CCDC27: variants seen among roughly 807,000 people sequenced by gnomAD.
CCDC27 encodes coiled-coil domain containing 27.
Under a neutral mutation model 80.3 loss-of-function variants are expected in CCDC27, and 80 were observed. That is an observed-to-expected ratio of 1.00 (90% confidence interval 0.83 to 1.20). CCDC27 has a LOEUF of 1.20. CCDC27 is among the 50% of genes most tolerant of loss of function. The probability of loss-of-function intolerance (pLI) is 0.00; values close to 1 mark genes in which losing one functional copy is unlikely to be tolerated. For missense variants in CCDC27, 815 were observed against 809.4 expected (o/e 1.01, Z -0.08); for synonymous variants, 342 against 334.3 (o/e 1.02, Z -0.25).
rs1643293610 is a variant in CCDC27 at position 3,768,875 on chromosome 1, G to A, written c.1744-908G>A. 6.6e-6 allele frequency among the ~76,000 whole-genome samples: 1 copy of A among 152,160 alleles called. No homozygotes were observed. Among genetic ancestry groups the A allele is most frequent in the Admixed American group, 6.6e-5 (1 of 15,256 alleles). ...CACGACCTCCAGCACCTGGCACGGT[G>A]TTTGTACAAAGTTGGGCGCTCAATA... On this transcript the variant is annotated intron_variant, in intron 10 of 11. Coordinates refer to ENST00000294600, the MANE Select transcript of CCDC27 (RefSeq NM_152492.3). This position sits in a 1 kb window ranked among gnomAD's most constrained non-coding sequence, Gnocchi z 5.6.
intron 1 of CCDC27, among the ~76,000 whole-genome samples, chr1:3,753,030 G>A (rs1244442058): frequency 6.6e-6 from 1 of 152,228 alleles, no homozygotes; most frequent in Non-Finnish European, 1.5e-5. Flanking sequence ...CATGCCACCG[G>A]CTTCTTCTGG....
At chr1:3,758,784 ACGAGGTTTCT>A (rs1290448142) in intron 4 of CCDC27, among the ~76,000 whole-genome samples, 1 of 151,752 alleles carries the variant, frequency 6.6e-6, no homozygotes, top group Non-Finnish European at 1.5e-5. Context: ...TTTTGTGGAG[ACGAGGTTTCT>A]CCATGTTGCT....
chr1:3,755,872 A>C, intron 3 of CCDC27: 2 of 320,996 alleles, frequency 6.2e-6, no homozygotes, highest in Non-Finnish European at 1.2e-5. Context: ...GTGGGTAGAG[A>C]CCCCCCGGGA....
In CCDC27 at chr1:3,762,748, G is replaced by A. The variant is rs750301491; in HGVS notation, c.954+36G>A. The A allele has an allele frequency of 5.9e-5, 90 of 1,531,686 alleles. No homozygotes were observed. In the Admixed American group the frequency reaches 1.6e-3, roughly 28 times the overall value. The allele number at this position is 1,531,686 out of a possible 1,614,324, so 94.9% of individuals were successfully genotyped here. A position where few individuals can be genotyped will look rare whatever the true frequency, so the allele number is the denominator to read the frequency against. ...CCTGGAGAGCAGGCACGCAGTGGGG[G>A]ACCCGGGCCCAGGAGCCACCTAGGC... On this transcript the variant is annotated intron_variant, in intron 6 of 11. Transcript: ENST00000294600.
rs775121904 is a variant in CCDC27, at chr1:3,761,460, G to C, written c.861+30G>C. The C allele has an allele frequency of 3.1e-6, 5 of 1,609,880 alleles. No individual in the cohort carries two copies. In the South Asian group the frequency reaches 5.5e-5, roughly 18 times the overall value. On this transcript the variant is annotated intron_variant, in intron 5 of 11. Coordinates refer to ENST00000294600, the MANE Select transcript of CCDC27 (RefSeq NM_152492.3). The surrounding 1 kb of genome is among the most constrained non-coding windows in gnomAD (Gnocchi z 5.0). Reference sequence around the variant, plus strand: ...GCCAGCCCCAGCGGGGCACAGCGCAGAGCTCTAAGACGGTTGTTTTCAAAG... The same window carrying C: ...GCCAGCCCCAGCGGGGCACAGCGCACAGCTCTAAGACGGTTGTTTTCAAAG...
Position 3,763,129 on chromosome 1 carries a change from C to T in CCDC27, c.976C>T (p.Pro326Ser). 6.8e-7 allele frequency: 1 copy of T among 1,480,204 alleles called. No homozygotes were observed. Among genetic ancestry groups the T allele is most frequent in the Non-Finnish European group, 9.0e-7 (1 of 1,115,428 alleles). The allele number at this position is 1,480,204 out of a possible 1,614,324, so 91.7% of individuals were successfully genotyped here. Residue 326 changes from proline to serine, a missense_variant, in exon 7 of 12, where the codon CCG (proline) becomes TCG (serine). By Grantham distance (74) the Pro-to-Ser change is moderately conservative. Transcript: ENST00000294600. The surrounding 1 kb of genome is among the most constrained non-coding windows in gnomAD (Gnocchi z 7.5). ...ACAGATGCAGGAGGAGTCTGCGGCACCGGAGAGGGGCAAGGAGCCCGACCT... is the reference window on the plus strand; with the variant it reads ...ACAGATGCAGGAGGAGTCTGCGGCATCGGAGAGGGGCAAGGAGCCCGACCT... The part of the protein sequence containing the change: ...WWQMQEESAA[P>S]ERGKEPDLGG...
At position 3,769,773 on chromosome 1, in the gene CCDC27, T is replaced by C; in HGVS notation, c.1744-10T>C. 2 of 1,608,842 alleles carry C rather than the reference T, an allele frequency of 1.2e-6. No homozygotes were observed. The highest frequency in any genetic ancestry group is 1.7e-6 in the Non-Finnish European group (2 of 1,175,226). ...AAAGGCGAATGATAGTGTTGTCCCT[T>C]TGCTCACAGCTCGAGAGGTTAAGGA... is the stretch of plus-strand genomic sequence containing the variant. On this transcript the variant is annotated splice_polypyrimidine_tract_variant and intron_variant, in intron 10 of 11. Transcript: ENST00000294600. This position sits in a 1 kb window ranked among gnomAD's most constrained non-coding sequence, Gnocchi z 4.6.
chr1:3,755,225 G>A (rs773138506), intron 2 of CCDC27, among the ~76,000 whole-genome samples: 24 of 152,216 alleles, frequency 1.6e-4, no homozygotes, highest in Non-Finnish European at 1.6e-4. Flanking sequence ...GGGAAAGGGG[G>A]CATCAGCTAG....
chr1:3,756,651 G>A, intron 3 of CCDC27, 82 bp from the exon 4 acceptor site: 2 of 1,483,672 alleles, frequency 1.3e-6, no homozygotes, highest in Non-Finnish European at 1.9e-6. Flanking sequence ...GTCTCGGAAG[G>A]GTGGATGTCG....
chr1:3,764,053 C>A (rs766839070), intron 8 of CCDC27, among the ~76,000 whole-genome samples: 1 of 152,184 alleles, frequency 6.6e-6, no homozygotes, highest in Admixed American at 6.5e-5. Context: ...TGCCCAGCCA[C>A]AGCTCTGCCC....
intron 10 of CCDC27, 80 bp downstream of exon 10, chr1:3,767,525 A>T: frequency 1.5e-6 from 2 of 1,315,176 alleles, no homozygotes; most frequent in Non-Finnish European, 2.1e-6. Context: ...CCGCCCACCG[A>T]GGTAGAACCG....
In CCDC27 at chr1:3,761,533, C is replaced by T; in HGVS notation, c.861+103C>T. On this transcript the variant is annotated intron_variant, in intron 5 of 11. Coordinates refer to ENST00000294600, the MANE Select transcript of CCDC27 (RefSeq NM_152492.3). The surrounding 1 kb of genome is among the most constrained non-coding windows in gnomAD (Gnocchi z 5.0). ...ACAGGCCCCTGGCAAACCCCCAGGC[C>T]CCCTGGATCCTATCAGGTCCTCACT... The T allele has an allele frequency of 7.4e-7, 1 of 1,359,602 alleles. No individual in the cohort carries two copies. The highest frequency in any genetic ancestry group is 1.0e-6 in the Non-Finnish European group (1 of 1,000,546). The allele number at this position is 1,359,602 out of a possible 1,614,324, so 84.2% of individuals were successfully genotyped here.
At chr1:3,753,458 G>A (rs1642874219) in intron 1 of CCDC27, among the ~76,000 whole-genome samples, 1 of 151,934 alleles carries the variant, frequency 6.6e-6, no homozygotes, top group Non-Finnish European at 1.5e-5. Context: ...AGAGTAGCTG[G>A]GATTACAATG....
intron 5 of CCDC27, 68 bp from the exon 6 acceptor site, chr1:3,762,552 G>A: frequency 8.0e-7 from 1 of 1,249,306 alleles, no homozygotes; most frequent in Non-Finnish European, 1.1e-6. Context: ...TCTAGGACAG[G>A]CAGTGGTCTG....
Position 3,766,431 on chromosome 1 carries a change from A to G in CCDC27, c.1453-104A>G, listed in dbSNP as rs1056535185. 2.9e-6 allele frequency: 2 copies of G among 693,614 alleles called. No homozygotes were observed. The highest frequency in any genetic ancestry group is 1.8e-5 in the African/African-American group (1 of 55,044). The allele number at this position is 693,614 out of a possible 1,614,324, so 43.0% of individuals were successfully genotyped here. ...TGCCTTCAATAGAAATCCCGCTGCT[A>G]TTATTTTAGGGAGCTTTGGGGAAGG... On this transcript the variant is annotated intron_variant, in intron 8 of 11. Transcript: ENST00000294600. This position sits in a 1 kb window ranked among gnomAD's most constrained non-coding sequence, Gnocchi z 6.1.
chr1:3,763,264 G>C lies in CCDC27; in HGVS notation c.1111G>C (p.Glu371Gln), dbSNP rs759366982. The C allele has an allele frequency of 5.7e-6, 9 of 1,581,468 alleles. 1 individual carries two copies. In the South Asian group the frequency reaches 9.2e-5, roughly 16 times the overall value. ...QMGSVHEEGS[E>Q]EEEEEEGDRD... The stretch of plus-strand genomic sequence containing the variant: ...GGGATCCGTGCATGAGGAGGGAAGC[G>C]AGGAGGAGGAAGAGGAGGAAGGGGA... The change falls in exon 7 of 12, where the codon GAG (glutamate) becomes CAG (glutamine). Residue 371 changes from glutamate (E) to glutamine (Q), a missense_variant. Glu to Gln is a conservative substitution (Grantham distance 29, BLOSUM62 2). Coordinates refer to ENST00000294600, the MANE Select transcript of CCDC27 (RefSeq NM_152492.3). This position sits in a 1 kb window ranked among gnomAD's most constrained non-coding sequence, Gnocchi z 7.5.
chr1:3,757,924 A>T (rs1271285562), intron 4 of CCDC27, among the ~76,000 whole-genome samples: 2 of 148,622 alleles, frequency 1.3e-5, no homozygotes, highest in Non-Finnish European at 3.0e-5. Flanking sequence ...TCCATCTCAA[A>T]AAAAAAAAAA....
At position 3,766,707 on chromosome 1, in the gene CCDC27, C is replaced by G. The variant is rs1643234587; in HGVS notation, c.1530+95C>G. 7.1e-6 allele frequency: 7 copies of G among 984,272 alleles called. No individual in the cohort carries two copies. In the South Asian group the frequency reaches 9.8e-5, roughly 14 times the overall value. The allele number at this position is 984,272 out of a possible 1,614,324, so 61.0% of individuals were successfully genotyped here. On this transcript the variant is annotated intron_variant, in intron 9 of 11. Coordinates refer to ENST00000294600, the MANE Select transcript of CCDC27 (RefSeq NM_152492.3). This position sits in a 1 kb window ranked among gnomAD's most constrained non-coding sequence, Gnocchi z 6.1. ...GGGCAAGACGGGGCTGGAGCGTCTT[C>G]ACAGCTGAGCCAGGACCCCTTCGGT... is the stretch of plus-strand genomic sequence containing the variant.
chr1:3,761,460 G>A lies in CCDC27; in HGVS notation c.861+30G>A. 1 of 1,609,880 alleles carries A rather than the reference G, an allele frequency of 6.2e-7. No homozygotes were observed. The highest frequency in any genetic ancestry group is 8.5e-7 in the Non-Finnish European group (1 of 1,178,538). On this transcript the variant is annotated intron_variant, in intron 5 of 11. Transcript: ENST00000294600. This position sits in a 1 kb window ranked among gnomAD's most constrained non-coding sequence, Gnocchi z 5.0. Reference sequence around the variant, plus strand: ...GCCAGCCCCAGCGGGGCACAGCGCAGAGCTCTAAGACGGTTGTTTTCAAAG... The same window carrying A: ...GCCAGCCCCAGCGGGGCACAGCGCAAAGCTCTAAGACGGTTGTTTTCAAAG...
Sources: gnomAD v4.1 joint callset for allele counts (sites outside exome capture counted in the v4.1 genomes callset) on GRCh38, gnomAD v4.1.1 for gene constraint, Gnocchi (gnomAD v3.1) non-coding constraint, MANE v1.5 for transcripts, NCBI Gene and HGNC (gene_info 2026-07-23, HGNC 2026-07-21) for gene names.